CACNB2: variants seen among roughly 807,000 people sequenced by gnomAD.
CACNB2 encodes the protein voltage-dependent L-type calcium channel subunit beta-2.
A neutral mutation model predicts 73.3 loss-of-function variants in CACNB2; 42 were observed. The ratio of observed to expected loss-of-function variants is 0.57; its 90% CI spans 0.45 to 0.74. CACNB2 has a LOEUF of 0.74. Ranked by LOEUF, CACNB2 falls within the 30% of genes least tolerant of loss-of-function variation. The probability of loss-of-function intolerance (pLI) is 0.00; values close to 1 mark genes in which losing one functional copy is unlikely to be tolerated. For synonymous variants in CACNB2, 348 were observed against 310.3 expected (o/e 1.12, Z -1.28); for missense variants, 940 against 853.0 (o/e 1.10, Z -1.27).
intron 2 of CACNB2, among the ~76,000 whole-genome samples, chr10:18,209,821 T>C (rs1298212548): frequency 6.6e-6 from 1 of 152,174 alleles, no homozygotes; most frequent in Non-Finnish European, 1.5e-5. Flanking sequence ...ACAGGTTTAA[T>C]AGGACAAACC....
intron 3 of CACNB2, among the ~76,000 whole-genome samples, chr10:18,475,860 T>C (rs774707245): frequency 7.9e-5 from 12 of 152,164 alleles, no homozygotes; most frequent in African/African-American, 2.9e-4. Context: ...GTCCAGTTCA[T>C]AGCCAATGTT....
chr10:18,421,315 A>G (rs1323431059), intron 3 of CACNB2, among the ~76,000 whole-genome samples: 10 of 142,266 alleles, frequency 7.0e-5, no homozygotes, highest in African/African-American at 2.6e-4. Flanking sequence ...TTTTTTTTCT[A>G]AGACAGAATT....
intron 2 of CACNB2, among the ~76,000 whole-genome samples, chr10:18,193,888 G>C (rs547004743): frequency 1.1e-4 from 17 of 152,070 alleles, no homozygotes; most frequent in Non-Finnish European, 2.2e-4. Flanking sequence ...CATTCTGCAG[G>C]GGAAGATAGA....
chr10:18,277,489 A>T (rs1475569806), intron 2 of CACNB2, among the ~76,000 whole-genome samples: 2 of 152,230 alleles, frequency 1.3e-5, no homozygotes, highest in African/African-American at 4.8e-5. Flanking sequence ...TAATACAACG[A>T]GGAAAATATA....
At chr10:18,195,079 TTAA>T (rs1399572760) in intron 2 of CACNB2, among the ~76,000 whole-genome samples, 1 of 152,226 alleles carries the variant, frequency 6.6e-6, no homozygotes, top group Non-Finnish European at 1.5e-5. Context: ...TGGCATTTCT[TTAA>T]ATATCCAGCT....
At position 18,500,405 on chromosome 10, in the gene CACNB2, T is replaced by C. The variant is rs1360918880; in HGVS notation, c.457-407T>C. On this transcript the variant is annotated intron_variant, in intron 4 of 13. Transcript: ENST00000324631. Reference sequence around the variant, plus strand: ...GTGACATGAAATATTTAAGGTACACTTCAATATTTATCTCTTTCTCTCAAT... The same window carrying C: ...GTGACATGAAATATTTAAGGTACACCTCAATATTTATCTCTTTCTCTCAAT... 2.6e-5 allele frequency among the ~76,000 whole-genome samples: 4 copies of C among 152,298 alleles called. No homozygotes were observed. In the South Asian group the frequency reaches 8.3e-4, roughly 32 times the overall value.
intron 2 of CACNB2, among the ~76,000 whole-genome samples, chr10:18,183,429 A>G (rs908561211): frequency 1.3e-5 from 2 of 152,150 alleles, no homozygotes; most frequent in Admixed American, 1.3e-4. Context: ...AAATAAAGAC[A>G]TACTCGAGAC....
chr10:18,477,954 G>C (rs940524135), intron 3 of CACNB2, among the ~76,000 whole-genome samples: 5 of 152,120 alleles, frequency 3.3e-5, no homozygotes, highest in Non-Finnish European at 7.3e-5. Flanking sequence ...GTTTGTTTGA[G>C]ACGGAGTTTC....
chr10:18,479,457 G>T (rs760564558), intron 3 of CACNB2, among the ~76,000 whole-genome samples: 1 of 152,074 alleles, frequency 6.6e-6, no homozygotes, highest in Non-Finnish European at 1.5e-5. Context: ...CTCTAGTAGG[G>T]ACTAACTTTC....
At chr10:18,427,222 T>A (rs2045652394) in intron 3 of CACNB2, among the ~76,000 whole-genome samples, 1 of 152,184 alleles carries the variant, frequency 6.6e-6, no homozygotes, top group Admixed American at 6.5e-5. Flanking sequence ...TCTATATCTT[T>A]AAAGGTGGTC....
At chr10:18,349,761 T>A (rs2041627912) in intron 2 of CACNB2, among the ~76,000 whole-genome samples, 1 of 151,508 alleles carries the variant, frequency 6.6e-6, no homozygotes, top group South Asian at 2.1e-4. Context: ...CAGAAGATGG[T>A]GATGGCTACC....
At chr10:18,536,526 T>G (rs930940121) in intron 12 of CACNB2, among the ~76,000 whole-genome samples, 1 of 151,686 alleles carries the variant, frequency 6.6e-6, no homozygotes, top group African/African-American at 2.4e-5. Context: ...TCTTCCAAAG[T>G]GCTAGGATTA....
intron 2 of CACNB2, among the ~76,000 whole-genome samples, chr10:18,275,945 C>T (rs188446474): frequency 9.3e-4 from 141 of 152,264 alleles, no homozygotes; most frequent in Non-Finnish European, 1.8e-3. Context: ...TTAATTGCCA[C>T]GAGAGTGGTG....
At chr10:18,166,307 G>T (rs2032847846) in intron 2 of CACNB2, among the ~76,000 whole-genome samples, 2 of 152,046 alleles carry the variant, frequency 1.3e-5, no homozygotes, top group South Asian at 4.1e-4. Flanking sequence ...CCAGGCTGAA[G>T]TGCAGTGGCA....
intron 2 of CACNB2, among the ~76,000 whole-genome samples, chr10:18,158,580 A>G (rs2032224789): frequency 1.3e-5 from 2 of 152,196 alleles, no homozygotes; most frequent in South Asian, 4.1e-4. Context: ...GAAAAGCTAT[A>G]ATTCTTAATC....
chr10:18,140,913 C>G, intron 1 of CACNB2, 57 bp downstream of exon 1: 1 of 1,552,168 alleles, frequency 6.4e-7, no homozygotes, highest in Non-Finnish European at 8.7e-7. Flanking sequence ...AGGGCACCGA[C>G]CTCGGGTTCT....
intron 2 of CACNB2, among the ~76,000 whole-genome samples, chr10:18,244,395 G>A (rs1033800714): frequency 1.3e-5 from 2 of 152,158 alleles, no homozygotes; most frequent in African/African-American, 4.8e-5. Flanking sequence ...ACTACCATAT[G>A]TCAGTGATTA....
chr10:18,176,164 T>C (rs1304281328), intron 2 of CACNB2, among the ~76,000 whole-genome samples: 1 of 152,108 alleles, frequency 6.6e-6, no homozygotes, highest in Non-Finnish European at 1.5e-5. Context: ...ACCACACAAT[T>C]GTACCAGTGC....
At chr10:18,195,366 C>T (rs1269400052) in intron 2 of CACNB2, among the ~76,000 whole-genome samples, 3 of 152,184 alleles carry the variant, frequency 2.0e-5, no homozygotes, top group Non-Finnish European at 4.4e-5. Context: ...CCCATCAACA[C>T]ACATTGACCC....
Sources: allele counts gnomAD v4.1 joint callset (sites outside exome capture counted in the v4.1 genomes callset), GRCh38; gene constraint gnomAD v4.1.1; transcripts MANE v1.5; gene names NCBI Gene and HGNC (gene_info 2026-07-23, HGNC 2026-07-21).